LRRC8B: variants seen among roughly 807,000 people sequenced by gnomAD.
LRRC8B encodes volume-regulated anion channel subunit LRRC8B.
Under a neutral mutation model 58.8 loss-of-function variants are expected in LRRC8B, and 23 were observed. The observed-to-expected ratio is 0.39, with a 90% CI of 0.28 to 0.55. LRRC8B has a LOEUF of 0.55. Among genes scored for constraint, LRRC8B ranks in the 20% least tolerant of loss-of-function variants. The probability of loss-of-function intolerance (pLI) is 0.62; values close to 1 mark genes in which losing one functional copy is unlikely to be tolerated. For missense variants in LRRC8B, 694 were observed against 936.0 expected, an observed-to-expected ratio of 0.74 and a Z score of 3.37; for synonymous variants, 359 against 374.1, an observed-to-expected ratio of 0.96 and a Z score of 0.47.
chr1:89,574,862 C>G (rs1213654378), intron 3 of LRRC8B, among the ~76,000 whole-genome samples: 2 of 152,132 alleles, frequency 1.3e-5, no homozygotes, highest in Non-Finnish European at 2.9e-5. Flanking sequence ...AACTTGGGCT[C>G]AAAGTGAAAA....
intron 1 of LRRC8B, among the ~76,000 whole-genome samples, chr1:89,543,412 G>T (rs992264980): frequency 6.6e-6 from 1 of 152,084 alleles, no homozygotes; most frequent in African/African-American, 2.4e-5. Context: ...GGTAACAAAC[G>T]CCAGTGAGTG....
At chr1:89,570,796 T>C (rs1403765126) in intron 3 of LRRC8B, among the ~76,000 whole-genome samples, 2 of 152,184 alleles carry the variant, frequency 1.3e-5, no homozygotes, top group Non-Finnish European at 2.9e-5. Context: ...CCATGCTTAT[T>C]GTCCTGAATG....
intron 1 of LRRC8B, among the ~76,000 whole-genome samples, chr1:89,558,081 A>C (rs1482457978): frequency 1.3e-5 from 2 of 152,208 alleles, no homozygotes; most frequent in Non-Finnish European, 2.9e-5. Context: ...ACTGATTGGA[A>C]TCCATGAGAC....
chr1:89,550,370 A>C (rs1356892972), intron 1 of LRRC8B, among the ~76,000 whole-genome samples: 2 of 152,160 alleles, frequency 1.3e-5, no homozygotes, highest in African/African-American at 4.8e-5. Context: ...TTTTAAATTT[A>C]AGATTTGACG....
intron 1 of LRRC8B, among the ~76,000 whole-genome samples, chr1:89,547,806 G>C (rs980043338): frequency 1.3e-5 from 2 of 152,174 alleles, no homozygotes; most frequent in African/African-American, 4.8e-5. Flanking sequence ...CATAGTGGGC[G>C]GGGAGGGGAG....
At chr1:89,534,190 T>C (rs1012637726) in intron 1 of LRRC8B, among the ~76,000 whole-genome samples, 37 of 152,186 alleles carry the variant, frequency 2.4e-4, no homozygotes, top group Non-Finnish European at 3.8e-4. Context: ...AACGACTTGT[T>C]CTCATATATT....
chr1:89,534,766 TG>T (rs1650408795), intron 1 of LRRC8B, among the ~76,000 whole-genome samples: 1 of 152,198 alleles, frequency 6.6e-6, no homozygotes, highest in Non-Finnish European at 1.5e-5. Flanking sequence ...TCTAAACCCC[TG>T]AGTTATATGC....
At position 89,593,224 on chromosome 1, in the gene LRRC8B, A is replaced by T; in HGVS notation, c.*181A>T. 1 of 584,636 alleles carries T rather than the reference A, an allele frequency of 1.7e-6. No homozygotes were observed. The highest frequency in any genetic ancestry group is 2.9e-5 in the East Asian group (1 of 34,408). The allele number at this position is 584,636 out of a possible 1,614,324, so 36.2% of individuals were successfully genotyped here. A position where few individuals can be genotyped will look rare whatever the true frequency, so the allele number is the denominator to read the frequency against. On this transcript the variant is annotated 3_prime_UTR_variant, in exon 6 of 6. Coordinates refer to ENST00000330947, the MANE Select transcript of LRRC8B (RefSeq NM_001369817.2). ...ACCCCATCTCTGCTAAAACTACAAA[A>T]AAATTAGCCAGGCGTGGTGGCGTGC...
intron 1 of LRRC8B, among the ~76,000 whole-genome samples, chr1:89,528,036 T>C (rs544063050): frequency 6.6e-6 from 1 of 152,350 alleles, no homozygotes; most frequent in Non-Finnish European, 1.5e-5. Flanking sequence ...TTTGCTGCTT[T>C]TGATATGGGT....
chr1:89,550,887 C>T (rs188750332), intron 1 of LRRC8B, among the ~76,000 whole-genome samples: 2 of 152,258 alleles, frequency 1.3e-5, no homozygotes, highest in African/African-American at 4.8e-5. Flanking sequence ...CCCGATCCTG[C>T]CCCATTGTAT....
chr1:89,571,068 A>G (rs780262650), intron 3 of LRRC8B, among the ~76,000 whole-genome samples: 11 of 152,204 alleles, frequency 7.2e-5, no homozygotes, highest in Middle Eastern at 3.4e-3. Context: ...CCATTGGTCT[A>G]TGTGTCCGCT....
chr1:89,569,212 C>CT (rs1054882990), intron 3 of LRRC8B, among the ~76,000 whole-genome samples: 7 of 152,090 alleles, frequency 4.6e-5, no homozygotes, highest in Admixed American at 6.5e-5. Flanking sequence ...TCTAAACATC[C>CT]TTTTTTTACA....
At chr1:89,580,930 A>G (rs754430280) in intron 4 of LRRC8B, among the ~76,000 whole-genome samples, 26 of 151,824 alleles carry the variant, frequency 1.7e-4, no homozygotes, top group African/African-American at 2.7e-4. Flanking sequence ...GGGAGCAGGG[A>G]CTCTGTAATG....
In LRRC8B at chr1:89,584,103, C is replaced by T. The variant is rs1557622347; in HGVS notation, c.1453C>T (p.Leu485=). The T allele has an allele frequency of 3.1e-6, 5 of 1,613,790 alleles. No homozygotes were observed. The highest frequency in any genetic ancestry group is 1.7e-5 in the Admixed American group (1 of 59,996). Residue 485 remains leucine, a synonymous_variant, in exon 5 of 6, where the codon CTA becomes TTA. Transcript: ENST00000330947. ...LVVDHPALAF[L]EENLKILRLK... is the part of the protein sequence containing the mutation. ...CGTAGACCATCCTGCACTGGCCTTT[C>T]TAGAGGAGAATTTAAAAATCCTCCG... is the stretch of plus-strand genomic sequence containing the variant.
At chr1:89,575,797 C>T (rs1236954543) in intron 3 of LRRC8B, among the ~76,000 whole-genome samples, 1 of 152,162 alleles carries the variant, frequency 6.6e-6, no homozygotes, top group Non-Finnish European at 1.5e-5. Context: ...ATCCACTTGA[C>T]TCCTGCCTCT....
rs775568395 is a variant in LRRC8B at position 89,584,609 on chromosome 1, G to T, written c.1959G>T (p.Gly653=). The change falls in exon 5 of 6, where the codon GGG becomes GGT. Residue 653 remains glycine (G), a synonymous_variant. Transcript: ENST00000330947. ...TTGCTTATATTCCTGCACAGATTGG[G>T]GCATTATCTAACCTAGAGCAGCTCT... ...NNIAYIPAQI[G]ALSNLEQLSL... The T allele has an allele frequency of 9.3e-6, 15 of 1,614,028 alleles. No individual in the cohort carries two copies. The South Asian group carries it at 1.6e-4, about 18-fold the overall frequency.
At chr1:89,571,673 G>T (rs1401722532) in intron 3 of LRRC8B, among the ~76,000 whole-genome samples, 1 of 152,034 alleles carries the variant, frequency 6.6e-6, no homozygotes, top group Non-Finnish European at 1.5e-5. Context: ...TCCTATTTGG[G>T]TGCACTTTCT....
intron 1 of LRRC8B, among the ~76,000 whole-genome samples, chr1:89,534,629 C>A (rs1021578464): frequency 6.6e-6 from 1 of 152,064 alleles, no homozygotes; most frequent in Non-Finnish European, 1.5e-5. Context: ...TATGATTTTT[C>A]ACTAGTACAC....
At chr1:89,541,627 C>G (rs940851433) in intron 1 of LRRC8B, among the ~76,000 whole-genome samples, 1 of 138,208 alleles carries the variant, frequency 7.2e-6, no homozygotes, top group African/African-American at 2.7e-5. Context: ...AGGAGAATGG[C>G]GTGAACCCGG....
Sources: allele counts gnomAD v4.1 joint callset (sites outside exome capture counted in the v4.1 genomes callset), GRCh38; gene constraint gnomAD v4.1.1; transcripts MANE v1.5; gene names NCBI Gene and HGNC (gene_info 2026-07-23, HGNC 2026-07-21).